TNKS: variants seen among roughly 807,000 people sequenced by gnomAD.
TNKS encodes the protein poly [ADP-ribose] polymerase tankyrase-1.
A neutral mutation model predicts 135.8 loss-of-function variants in TNKS; 72 were observed. The ratio of observed to expected loss-of-function variants is 0.53; its 90% CI spans 0.44 to 0.64. The LOEUF (loss-of-function observed/expected upper bound fraction) is 0.64. Ranked by LOEUF, TNKS falls within the 30% of genes least tolerant of loss-of-function variation. The pLI is 0.00. For missense variants in TNKS, 1,769 were observed against 1,674.0 expected (o/e 1.06, Z -0.99); for synonymous variants, 849 against 649.3 (o/e 1.31, Z -4.68).
chr8:9,707,196 C>T lies in TNKS; in HGVS notation c.1456+199C>T, dbSNP rs574258403. ...ACTTTTTGTATATATTGTATTTATT[C>T]GAGCCTAGTTTTAATTCGTATGTTG... On this transcript the variant is annotated intron_variant, in intron 8 of 26. Coordinates refer to ENST00000310430, the MANE Select transcript of TNKS (RefSeq NM_003747.3). Among the ~76,000 whole-genome samples the T allele has an allele frequency of 3.9e-5, 6 of 152,124 alleles. No individual in the cohort carries two copies. In the South Asian group the frequency reaches 8.3e-4, roughly 21 times the overall value.
rs3209607 is a variant in TNKS at position 9,773,669 on chromosome 8, C to G, written c.3898-2981C>G. On this transcript the variant is annotated intron_variant, in intron 26 of 26. Coordinates refer to ENST00000310430, the MANE Select transcript of TNKS (RefSeq NM_003747.3). ...GTAAAATTTGACTTGATAATTTAGT[C>G]AGAGTGTCTCATGAAATAATTTTAG... Among the ~76,000 whole-genome samples the G allele has an allele frequency of 6.1e-3, 920 of 151,772 alleles. 14 individuals carry two copies. The highest frequency in any genetic ancestry group is 0.021 in the African/African-American group (882 of 41,384).
At chr8:9,574,847 A>G (rs929058747) in intron 1 of TNKS, among the ~76,000 whole-genome samples, 1 of 152,122 alleles carries the variant, frequency 6.6e-6, no homozygotes, top group African/African-American at 2.4e-5. Context: ...CTTAATTATA[A>G]AAAAGTCAAG....
At chr8:9,694,284 C>G (rs1803412515) in intron 5 of TNKS, among the ~76,000 whole-genome samples, 1 of 151,724 alleles carries the variant, frequency 6.6e-6, no homozygotes, top group South Asian at 2.1e-4. Flanking sequence ...TAAAAAATAC[C>G]CTATTATATG....
intron 2 of TNKS, among the ~76,000 whole-genome samples, chr8:9,599,047 A>G (rs1798917289): frequency 6.6e-6 from 1 of 151,786 alleles, no homozygotes; most frequent in African/African-American, 2.4e-5. Context: ...TTATGATCCT[A>G]TTATAAATTT....
intron 2 of TNKS, among the ~76,000 whole-genome samples, chr8:9,604,958 ACAGT>A (rs1378578724): frequency 6.6e-6 from 1 of 151,950 alleles, no homozygotes; most frequent in African/African-American, 2.4e-5. Context: ...GTTTCTAATC[ACAGT>A]CAGACCCTCT....
intron 13 of TNKS, among the ~76,000 whole-genome samples, chr8:9,730,030 C>A (rs183753252): frequency 6.6e-6 from 1 of 152,220 alleles, no homozygotes; most frequent in East Asian, 1.9e-4. Flanking sequence ...CTGCCTTGGC[C>A]TCCCAAAGTG....
At chr8:9,579,099 T>C (rs1319459080) in intron 1 of TNKS, among the ~76,000 whole-genome samples, 2 of 152,214 alleles carry the variant, frequency 1.3e-5, no homozygotes, top group African/African-American at 2.4e-5. Flanking sequence ...ATCCTTAGAC[T>C]ACTTGAGACT....
In TNKS at chr8:9,657,596, G is replaced by A. The variant is rs1333211864; in HGVS notation, c.995-22355G>A. Among the ~76,000 whole-genome samples the A allele has an allele frequency of 6.6e-3, 563 of 85,072 alleles. 9 individuals carry two copies. Among genetic ancestry groups the A allele is most frequent in the African/African-American group, 0.023 (493 of 21,730 alleles). The allele number at this position is 85,072 out of a possible 152,430, so 55.8% of individuals were successfully genotyped here. ...TCCCAGACGGGGCGGCTGGCCGGGCGGAGGGCTGACCCCCCTACCTCCCTC... is the reference window on the plus strand; with the variant it reads ...TCCCAGACGGGGCGGCTGGCCGGGCAGAGGGCTGACCCCCCTACCTCCCTC... On this transcript the variant is annotated intron_variant, in intron 3 of 26. Coordinates refer to ENST00000310430, the MANE Select transcript of TNKS (RefSeq NM_003747.3).
intron 17 of TNKS, among the ~76,000 whole-genome samples, chr8:9,746,801 C>T (rs1031755823): frequency 6.6e-6 from 1 of 150,864 alleles, no homozygotes; most frequent in Non-Finnish European, 1.5e-5. Context: ...ACGATCTGCA[C>T]AATGTCTTTA....
intron 21 of TNKS, 147 bp downstream of exon 21, chr8:9,761,783 C>G: frequency 1.3e-6 from 1 of 781,216 alleles, no homozygotes; most frequent in Non-Finnish European, 1.9e-6. Flanking sequence ...CAGTTATTGG[C>G]CTCATGCTCC....
intron 3 of TNKS, among the ~76,000 whole-genome samples, chr8:9,643,244 G>C (rs1286173676): frequency 6.9e-6 from 1 of 145,916 alleles, no homozygotes; most frequent in Non-Finnish European, 1.5e-5. Context: ...ACACAGACTG[G>C]GTGATTTATA....
intron 25 of TNKS, among the ~76,000 whole-genome samples, chr8:9,767,210 G>GAATT (rs1388751413): frequency 6.6e-6 from 1 of 152,118 alleles, no homozygotes; most frequent in Admixed American, 6.5e-5. Context: ...ATCAACTTTG[G>GAATT]AATTAATAGC....
At chr8:9,765,548 C>A in intron 23 of TNKS, 144 bp from the exon 24 acceptor site, 2 of 656,758 alleles carry the variant, frequency 3.0e-6, no homozygotes, top group Non-Finnish European at 5.1e-6. Context: ...TTCTGAATTA[C>A]ACTGACATGG....
chr8:9,632,024 T>G (rs1212009109), intron 3 of TNKS, among the ~76,000 whole-genome samples: 1 of 152,204 alleles, frequency 6.6e-6, no homozygotes, highest in Non-Finnish European at 1.5e-5. Context: ...ATGGCAGTTT[T>G]ATTTGTTATT....
chr8:9,673,161 T>C (rs1802376922), intron 3 of TNKS, among the ~76,000 whole-genome samples: 1 of 152,166 alleles, frequency 6.6e-6, no homozygotes, highest in African/African-American at 2.4e-5. Flanking sequence ...GAAACCCTGC[T>C]AAGTGTCAGG....
chr8:9,703,875 G>A (rs964468548), intron 5 of TNKS, among the ~76,000 whole-genome samples: 1 of 152,124 alleles, frequency 6.6e-6, no homozygotes, highest in Non-Finnish European at 1.5e-5. Context: ...TAATTAAAGT[G>A]AAGTTATTTC....
intron 3 of TNKS, among the ~76,000 whole-genome samples, chr8:9,629,840 GC>G (rs1285945831): frequency 3.3e-5 from 5 of 152,086 alleles, no homozygotes; most frequent in Non-Finnish European, 4.4e-5. Flanking sequence ...CCACCACCAT[GC>G]CTGGCTAATT....
intron 3 of TNKS, among the ~76,000 whole-genome samples, chr8:9,658,751 A>T (rs1379165481): frequency 6.6e-6 from 1 of 152,236 alleles, no homozygotes. Context: ...CCTTAAATAT[A>T]AATGGGCTAA....
intron 3 of TNKS, among the ~76,000 whole-genome samples, chr8:9,673,360 A>ATTT: frequency 6.6e-6 from 1 of 152,034 alleles, no homozygotes; most frequent in East Asian, 1.9e-4. Context: ...AAAATAATAT[A>ATTT]TAAATTTTAT....
Sources: allele counts gnomAD v4.1 joint callset (sites outside exome capture counted in the v4.1 genomes callset), GRCh38; gene constraint gnomAD v4.1.1; transcripts MANE v1.5; gene names NCBI Gene and HGNC (gene_info 2026-07-23, HGNC 2026-07-21).